The following YME1L1 variants were observed in gnomAD, a reference collection of about 807,000 sequenced individuals.
The protein encoded by YME1L1 is ATP-dependent zinc metalloprotease YME1L1.
YME1L1 carries 39 observed loss-of-function variants against 90.4 expected under a neutral mutation model. That is an observed-to-expected ratio of 0.43 (90% confidence interval 0.33 to 0.56). The LOEUF (loss-of-function observed/expected upper bound fraction) is 0.56. YME1L1 is among the 20% of genes least tolerant of loss of function. YME1L1 has a pLI of 0.03. For synonymous variants in YME1L1, 284 were observed against 287.3 expected, an observed-to-expected ratio of 0.99 and a Z score of 0.12; for missense variants, 617 against 868.4, an observed-to-expected ratio of 0.71 and a Z score of 3.64.
chr10:27,117,847 T>A lies in YME1L1; in HGVS notation c.1568-120A>T, dbSNP rs534418157. On this transcript the variant is annotated intron_variant, in intron 14 of 18. Coordinates refer to ENST00000376016, the MANE Select transcript of YME1L1 (RefSeq NM_014263.4). Reference sequence around the variant, plus strand: ...TTCCTATCAGCAGATTCTGCATCCATAGATTCAACCAAATAAGGATTAAAA... The same window carrying A: ...TTCCTATCAGCAGATTCTGCATCCAAAGATTCAACCAAATAAGGATTAAAA... 11 of 976,112 alleles carry A rather than the reference T, an allele frequency of 1.1e-5. No individual in the cohort carries two copies. The African/African-American group carries it at 1.6e-4, about 15-fold the overall frequency. 60.5% of individuals were successfully genotyped at this position (976,112 alleles called of 1,614,324 possible).
At chr10:27,123,114 G>T in intron 10 of YME1L1, 141 bp from the exon 11 acceptor site, 2 of 1,060,694 alleles carry the variant, frequency 1.9e-6, no homozygotes, top group South Asian at 1.7e-5. Context: ...ATTTTTTACT[G>T]ACTTAAAAAT....
intron 7 of YME1L1, among the ~76,000 whole-genome samples, chr10:27,133,349 C>T (rs1159106206): frequency 6.6e-6 from 1 of 152,144 alleles, no homozygotes; most frequent in African/African-American, 2.4e-5. Flanking sequence ...AACTTCCAAA[C>T]TAGAGCAGTT....
At chr10:27,145,889 T>C (rs1349185062) in intron 2 of YME1L1, 1 of 191,122 alleles carries the variant, frequency 5.2e-6, no homozygotes, top group Non-Finnish European at 1.1e-5. Context: ...CCCAAACCAC[T>C]ACTGTCCTAA....
At chr10:27,139,578 G>A (rs2057064791) in intron 4 of YME1L1, among the ~76,000 whole-genome samples, 1 of 152,120 alleles carries the variant, frequency 6.6e-6, no homozygotes, top group Admixed American at 6.5e-5. Flanking sequence ...CAAGATTCTA[G>A]AAGAATGCAG....
intron 4 of YME1L1, among the ~76,000 whole-genome samples, chr10:27,141,627 C>T (rs1009738889): frequency 5.9e-5 from 9 of 151,516 alleles, no homozygotes; most frequent in African/African-American, 2.2e-4. Flanking sequence ...CACACACACA[C>T]ACACACACAC....
chr10:27,140,215 T>C (rs183483180), intron 4 of YME1L1, among the ~76,000 whole-genome samples: 314 of 152,150 alleles, frequency 2.1e-3, no homozygotes, highest in African/African-American at 7.3e-3. Flanking sequence ...ATGTTGGCCA[T>C]GCTGGTCTTG....
chr10:27,111,580 G>T lies in YME1L1; in HGVS notation c.*397C>A. 2 of 236,454 alleles carry T rather than the reference G, an allele frequency of 8.5e-6. No individual in the cohort carries two copies. Among genetic ancestry groups the T allele is most frequent in the South Asian group, 4.9e-5 (1 of 20,232 alleles). The allele number at this position is 236,454 out of a possible 1,614,324, so 14.6% of individuals were successfully genotyped here. A position where few individuals can be genotyped will look rare whatever the true frequency, so the allele number is the denominator to read the frequency against. ...TTAGATTAAAAAATATTTTATTCAT[G>T]GTCAATCTGGAACATAATTACTGCA... is the stretch of plus-strand genomic sequence containing the variant. On this transcript the variant is annotated 3_prime_UTR_variant, in exon 19 of 19. Coordinates refer to ENST00000376016, the MANE Select transcript of YME1L1 (RefSeq NM_014263.4).
In YME1L1 at chr10:27,111,645, C is replaced by G; in HGVS notation, c.*332G>C. The G allele has an allele frequency of 2.7e-6, 1 of 373,548 alleles. No homozygotes were observed. The highest frequency in any genetic ancestry group is 3.8e-5 in the Admixed American group (1 of 26,050). 23.1% of individuals were successfully genotyped at this position (373,548 alleles called of 1,614,324 possible). A position where few individuals can be genotyped will look rare whatever the true frequency, so the allele number is the denominator to read the frequency against. On this transcript the variant is annotated 3_prime_UTR_variant, in exon 19 of 19. Coordinates refer to ENST00000376016, the MANE Select transcript of YME1L1 (RefSeq NM_014263.4). ...TGATGTATATAGAAGGCTAAAGGCACAATTTTTATCAAATCTAGTAGAGTA... is the reference window on the plus strand; with the variant it reads ...TGATGTATATAGAAGGCTAAAGGCAGAATTTTTATCAAATCTAGTAGAGTA...
Position 27,112,001 on chromosome 10 carries a change from C to T in YME1L1, c.2127G>A (p.Glu709=). 2 of 1,614,042 alleles carry T rather than the reference C, an allele frequency of 1.2e-6. No homozygotes were observed. Among genetic ancestry groups the T allele is most frequent in the Non-Finnish European group, 1.7e-6 (2 of 1,179,994 alleles). ...LDAKEIQIVL[E]GKKLEVR The stretch of plus-strand genomic sequence containing the variant: ...ATCATCTCACTTCCAACTTTTTCCC[C>T]TCAAGAACAATTTGAATCTCTTTGG... The change falls in exon 19 of 19, where the codon GAG becomes GAA. Residue 709 remains glutamate (E), a synonymous_variant. Transcript: ENST00000376016.
intron 1 of YME1L1, among the ~76,000 whole-genome samples, chr10:27,149,902 C>T (rs2057192136): frequency 6.6e-6 from 1 of 151,362 alleles, no homozygotes; most frequent in Non-Finnish European, 1.5e-5. Context: ...GGTGAAATCC[C>T]ATCGCCACTA....
chr10:27,117,482 C>A lies in YME1L1; in HGVS notation c.1719+94G>T, dbSNP rs562165701. 9.8e-6 allele frequency: 13 copies of A among 1,324,594 alleles called. No individual in the cohort carries two copies. The African/African-American group carries it at 1.2e-4, about 12-fold the overall frequency. 82.1% of individuals were successfully genotyped at this position (1,324,594 alleles called of 1,614,324 possible). On this transcript the variant is annotated intron_variant, in intron 15 of 18. Transcript: ENST00000376016. ...ACTTGGGAGGCTGAGGTGAAAGAAT[C>A]GTTTGAATCCGGAAGGCAGAGGTTG...
chr10:27,149,147 A>G (rs965432787), intron 1 of YME1L1, 107 bp from the exon 2 acceptor site: 3 of 944,198 alleles, frequency 3.2e-6, no homozygotes, highest in East Asian at 2.6e-5. Context: ...ATTATATATC[A>G]ACTCTGTATA....
rs779275879 is a variant in YME1L1 at position 27,114,513 on chromosome 10, A to T, written c.2007+8T>A. ...AAGAAAATAAATAAGCACAAAAAAT[A>T]TTATTACCCTTAGAAGGATTCTTAT... is the stretch of plus-strand genomic sequence containing the variant. On this transcript the variant is annotated splice_region_variant and intron_variant, in intron 18 of 18. Coordinates refer to ENST00000376016, the MANE Select transcript of YME1L1 (RefSeq NM_014263.4). 1 of 1,602,406 alleles carries T rather than the reference A, an allele frequency of 6.2e-7. No homozygotes were observed. The highest frequency in any genetic ancestry group is 8.5e-7 in the Non-Finnish European group (1 of 1,175,822).
rs141611755 is a variant in YME1L1, at chr10:27,117,454, G to C, written c.1719+122C>G. 616 of 1,067,642 alleles carry C rather than the reference G, an allele frequency of 5.8e-4. 1 individual carries two copies. Among genetic ancestry groups the C allele is most frequent in the Non-Finnish European group, 4.9e-4 (364 of 739,256 alleles). 66.1% of individuals were successfully genotyped at this position (1,067,642 alleles called of 1,614,324 possible). ...GTGGTGGTGGGCACCTGTAATCCCA[G>C]TTACTTGGGAGGCTGAGGTGAAAGA... On this transcript the variant is annotated intron_variant, in intron 15 of 18. Transcript: ENST00000376016.
chr10:27,116,615 G>C (rs891609450), intron 15 of YME1L1, among the ~76,000 whole-genome samples: 11 of 152,124 alleles, frequency 7.2e-5, no homozygotes, highest in African/African-American at 2.7e-4. Context: ...GCAGTGAGCT[G>C]AGATCATGCC....
At chr10:27,129,098 A>C (rs1021509314) in intron 8 of YME1L1, 1 of 150,166 alleles carries the variant, frequency 6.7e-6, no homozygotes, top group East Asian at 2.1e-4. Context: ...AAAAAAAAAA[A>C]AAAAAAAAAA....
rs550674915 is a variant in YME1L1, at chr10:27,111,644, A to G, written c.*333T>C. 2.7e-6 allele frequency: 1 copy of G among 375,186 alleles called. No homozygotes were observed. Among genetic ancestry groups the G allele is most frequent in the South Asian group, 2.3e-5 (1 of 43,400 alleles). The allele number at this position is 375,186 out of a possible 1,614,324, so 23.2% of individuals were successfully genotyped here. A position where few individuals can be genotyped will look rare whatever the true frequency, so the allele number is the denominator to read the frequency against. ...CTGATGTATATAGAAGGCTAAAGGC[A>G]CAATTTTTATCAAATCTAGTAGAGT... On this transcript the variant is annotated 3_prime_UTR_variant, in exon 19 of 19. Transcript: ENST00000376016.
At position 27,110,322 on chromosome 10, in the gene YME1L1, C is replaced by G. The variant is rs1207296275; in HGVS notation, c.*1655G>C. On this transcript the variant is annotated 3_prime_UTR_variant, in exon 19 of 19. Coordinates refer to ENST00000376016, the MANE Select transcript of YME1L1 (RefSeq NM_014263.4). Reference sequence around the variant, plus strand: ...GTATATGAGACATCCATGTATTATGCTGGCAACATTTCTGCCAGTTTGAAA... The same window carrying G: ...GTATATGAGACATCCATGTATTATGGTGGCAACATTTCTGCCAGTTTGAAA... 1 of 152,170 alleles carries G rather than the reference C, an allele frequency of 6.6e-6. No individual in the cohort carries two copies. The highest frequency in any genetic ancestry group is 1.5e-5 in the Non-Finnish European group (1 of 68,040). 9.4% of individuals were successfully genotyped at this position (152,170 alleles called of 1,614,324 possible). A position where few individuals can be genotyped will look rare whatever the true frequency, so the allele number is the denominator to read the frequency against.
At chr10:27,139,613 G>A (rs1291420604) in intron 4 of YME1L1, among the ~76,000 whole-genome samples, 1 of 152,124 alleles carries the variant, frequency 6.6e-6, no homozygotes, top group Non-Finnish European at 1.5e-5. Flanking sequence ...TGAACCTAGT[G>A]CCTCTGGGGC....
Sources: gnomAD v4.1 joint callset for allele counts (sites outside exome capture counted in the v4.1 genomes callset) on GRCh38, gnomAD v4.1.1 for gene constraint, MANE v1.5 for transcripts, NCBI Gene and HGNC (gene_info 2026-07-23, HGNC 2026-07-21) for gene names.